The following MAML3 variants were observed in gnomAD, a reference collection of about 807,000 sequenced individuals.
MAML3 encodes the protein mastermind like transcriptional coactivator 3.
A neutral mutation model predicts 101.9 loss-of-function variants in MAML3; 27 were observed. The ratio of observed to expected loss-of-function variants is 0.27; its 90% confidence interval spans 0.20 to 0.37. The LOEUF (loss-of-function observed/expected upper bound fraction) is 0.37. Among genes scored for constraint, MAML3 ranks in the 10% least tolerant of loss-of-function variants. The pLI is 1.00. For missense variants in MAML3, 1,316 were observed against 1,444.9 expected (o/e 0.91, Z 1.45); for synonymous variants, 501 against 555.9 (o/e 0.90, Z 1.39).
chr4:140,003,484 A>G (rs1001558202), intron 1 of MAML3, among the ~76,000 whole-genome samples: 14 of 152,174 alleles, frequency 9.2e-5, no homozygotes, highest in Non-Finnish European at 1.5e-5. Context: ...CTGGCATGTC[A>G]GGGGCCAAGG....
intron 1 of MAML3, among the ~76,000 whole-genome samples, chr4:140,132,499 G>A (rs758985311): frequency 2.0e-5 from 3 of 152,200 alleles, no homozygotes; most frequent in Non-Finnish European, 2.9e-5. Context: ...TGGACTTTGG[G>A]GAGGCTATTA....
At chr4:139,746,272 A>G (rs2111032097) in intron 2 of MAML3, among the ~76,000 whole-genome samples, 1 of 152,224 alleles carries the variant, frequency 6.6e-6, no homozygotes, top group Middle Eastern at 3.4e-3. Context: ...AGAGATGGTA[A>G]TAAGAATAAT....
At chr4:140,082,744 A>ATT (rs34036610) in intron 1 of MAML3, among the ~76,000 whole-genome samples, 244 of 147,238 alleles carry the variant, frequency 1.7e-3, no homozygotes, top group African/African-American at 2.2e-3. Context: ...CCACTCTAGG[A>ATT]TTTTTTTTTT....
intron 1 of MAML3, among the ~76,000 whole-genome samples, chr4:139,915,814 A>AG (rs569404307): frequency 1.9e-4 from 29 of 152,234 alleles, no homozygotes; most frequent in Admixed American, 4.6e-4. Flanking sequence ...GATGAGGGGT[A>AG]GGGATGGGGA....
At chr4:139,782,553 G>A (rs1232489581) in intron 2 of MAML3, among the ~76,000 whole-genome samples, 2 of 152,154 alleles carry the variant, frequency 1.3e-5, no homozygotes, top group Non-Finnish European at 2.9e-5. Context: ...ATATATATAT[G>A]TAGAAAAGTG....
intron 1 of MAML3, among the ~76,000 whole-genome samples, chr4:140,151,692 G>GA (rs756707117): frequency 2.9e-5 from 2 of 70,148 alleles, no homozygotes; most frequent in Admixed American, 1.5e-4. Context: ...GCGCGGTGCG[G>GA]GGGGGGGGGG....
chr4:140,153,156 C>G lies in MAML3; in HGVS notation c.172G>C (p.Gly58Arg), dbSNP rs1004131594. The G allele has an allele frequency of 9.0e-6, 14 of 1,550,278 alleles. No homozygotes were observed. The African/African-American group carries it at 1.9e-4, about 21-fold the overall frequency. The change falls in exon 1 of 5, where the codon GGG (glycine) becomes CGG (arginine). Residue 58 changes from glycine (G) to arginine (R), a missense_variant. By Grantham distance (125) the Gly-to-Arg change is moderately radical. Transcript: ENST00000509479. The stretch of plus-strand genomic sequence containing the variant: ...GCCGCCGAACCGCCGCCGGGGCCCC[C>G]GGAGCCGCCGCATCCACCGGCTGCC... ...HPAAGGCGGS[G>R]GPGGGSAAVP...
intron 1 of MAML3, among the ~76,000 whole-genome samples, chr4:140,054,519 G>A (rs1339209231): frequency 6.6e-6 from 1 of 152,082 alleles, no homozygotes; most frequent in Non-Finnish European, 1.5e-5. Context: ...GAGGATGGTG[G>A]TCTCTTCATT....
chr4:140,150,747 G>A (rs1435483490), intron 1 of MAML3, among the ~76,000 whole-genome samples: 1 of 152,182 alleles, frequency 6.6e-6, no homozygotes, highest in Non-Finnish European at 1.5e-5. Context: ...CTCCGTGGAA[G>A]GGCGCTAGGG....
At chr4:139,998,512 T>C (rs1734861421) in intron 1 of MAML3, among the ~76,000 whole-genome samples, 1 of 152,242 alleles carries the variant, frequency 6.6e-6, no homozygotes, top group Non-Finnish European at 1.5e-5. Flanking sequence ...TTTATACTTG[T>C]TTTATACATA....
At chr4:140,025,511 G>A (rs1406726809) in intron 1 of MAML3, among the ~76,000 whole-genome samples, 1 of 152,132 alleles carries the variant, frequency 6.6e-6, no homozygotes, top group East Asian at 1.9e-4. Flanking sequence ...AATTATGATA[G>A]ATAAAATTAT....
intron 1 of MAML3, among the ~76,000 whole-genome samples, chr4:139,982,050 T>C (rs1734454292): frequency 6.6e-6 from 1 of 152,206 alleles, no homozygotes; most frequent in African/African-American, 2.4e-5. Flanking sequence ...TATGTGCAGA[T>C]CTATTCAAAG....
chr4:140,114,730 T>C (rs1288829345), intron 1 of MAML3, among the ~76,000 whole-genome samples: 3 of 152,238 alleles, frequency 2.0e-5, no homozygotes, highest in Non-Finnish European at 4.4e-5. Flanking sequence ...GTTTCATCCA[T>C]ACCCCAAACC....
intron 2 of MAML3, among the ~76,000 whole-genome samples, chr4:139,793,225 C>T (rs1730450473): frequency 6.6e-6 from 1 of 152,134 alleles, no homozygotes; most frequent in Non-Finnish European, 1.5e-5. Flanking sequence ...GTTACAGGTT[C>T]ATTGGAAAGA....
intron 2 of MAML3, among the ~76,000 whole-genome samples, chr4:139,864,674 CAAAAAAAAAA>C (rs70943450): frequency 4.3e-5 from 3 of 69,502 alleles, no homozygotes; most frequent in Non-Finnish European, 7.3e-5. Context: ...GGCTCCGTCT[CAAAAAAAAAA>C]AAAAAAAAAA....
intron 2 of MAML3, among the ~76,000 whole-genome samples, chr4:139,813,555 G>A (rs1225167779): frequency 6.6e-6 from 1 of 152,154 alleles, no homozygotes; most frequent in Non-Finnish European, 1.5e-5. Context: ...CCTCTATTTG[G>A]TCAGACATGT....
chr4:139,999,950 T>G (rs1392258120), intron 1 of MAML3, among the ~76,000 whole-genome samples: 1 of 152,228 alleles, frequency 6.6e-6, no homozygotes, highest in African/African-American at 2.4e-5. Context: ...CCTATTTCTA[T>G]GATATTTCTG....
chr4:139,911,857 A>T (rs72712522), intron 1 of MAML3, among the ~76,000 whole-genome samples: 16 of 152,094 alleles, frequency 1.1e-4, no homozygotes, highest in Admixed American at 6.6e-4. Flanking sequence ...CAGAACTGTA[A>T]GAAATAAGTT....
chr4:140,067,200 G>GGTGTGTGT (rs34701956), intron 1 of MAML3, among the ~76,000 whole-genome samples: 9 of 149,864 alleles, frequency 6.0e-5, no homozygotes, highest in East Asian at 5.9e-4. Flanking sequence ...AAATTTTAGG[G>GGTGTGTGT]GTGTGTGTGT....
Sources: allele counts gnomAD v4.1 joint callset (sites outside exome capture counted in the v4.1 genomes callset), GRCh38; gene constraint gnomAD v4.1.1; transcripts MANE v1.5; gene names NCBI Gene and HGNC (gene_info 2026-07-23, HGNC 2026-07-21).